The following FBN1 variants were observed in gnomAD, a reference collection of about 807,000 sequenced individuals.
FBN1 encodes fibrillin 1.
FBN1 carries 29 observed loss-of-function variants against 365.1 expected under a neutral mutation model. The observed-to-expected ratio is 0.08, with a 90% CI of 0.06 to 0.11. The LOEUF is 0.11. Ranked by LOEUF, FBN1 falls within the 10% of genes least tolerant of loss-of-function variation. The pLI, the probability that FBN1 is intolerant of heterozygous loss-of-function variation, is 1.00. For missense variants in FBN1, 2,476 were observed against 3,703.2 expected (o/e 0.67, Z 8.60); for synonymous variants, 1,210 against 1,270.5 (o/e 0.95, Z 1.01).
intron 9 of FBN1, among the ~76,000 whole-genome samples, chr15:48,524,044 A>G (rs1290223561): frequency 6.6e-6 from 1 of 152,210 alleles, no homozygotes; most frequent in East Asian, 1.9e-4. Context: ...TGTCACGAAC[A>G]TGGTTGTGTA....
chr15:48,449,935 T>C (rs1409539378), intron 45 of FBN1, among the ~76,000 whole-genome samples: 1 of 152,178 alleles, frequency 6.6e-6, no homozygotes, highest in African/African-American at 2.4e-5. Context: ...CCATTTCATG[T>C]GTCCGGGATG....
intron 8 of FBN1, among the ~76,000 whole-genome samples, 196 bp from the exon 9 acceptor site, chr15:48,526,451 TTACCAAATTCAAC>T (rs1597587689): frequency 6.6e-6 from 1 of 152,140 alleles, no homozygotes; most frequent in Non-Finnish European, 1.5e-5. Flanking sequence ...CCCAAAAGAT[TTACCAAATTCAAC>T]AGATTAGGGC....
chr15:48,511,899 G>A (rs904066529), intron 13 of FBN1, among the ~76,000 whole-genome samples: 5 of 152,086 alleles, frequency 3.3e-5, no homozygotes, highest in Non-Finnish European at 7.4e-5. Context: ...ATTTAACAGT[G>A]CAGTCTCTGG....
intron 50 of FBN1, among the ~76,000 whole-genome samples, chr15:48,438,554 T>TAC (rs1404783495): frequency 1.0e-4 from 15 of 148,356 alleles, no homozygotes; most frequent in South Asian, 4.5e-4. Context: ...TTGTAGATTT[T>TAC]ACACACACAC....
At chr15:48,481,909 A>T in intron 31 of FBN1, 129 bp from the exon 32 acceptor site, 1 of 948,492 alleles carries the variant, frequency 1.1e-6, no homozygotes, top group African/African-American at 1.6e-5. Flanking sequence ...AAACAATGTT[A>T]AATTTTAGAG....
chr15:48,473,342 T>A lies in FBN1; in HGVS notation c.4211-666A>T, dbSNP rs113934512. On this transcript the variant is annotated intron_variant, in intron 34 of 65. Coordinates refer to ENST00000316623, the MANE Select transcript of FBN1 (RefSeq NM_000138.5). ...CTTTTTATGAACAAAGTGCTCAGGA[T>A]AAATCAATGTTTTAAGTTATAGGAG... Among the ~76,000 whole-genome samples, 840 of 152,382 alleles carry A rather than the reference T, an allele frequency of 5.5e-3. 7 individuals are homozygous for A. Among genetic ancestry groups the A allele is most frequent in the African/African-American group, 0.019 (793 of 41,588 alleles).
At chr15:48,452,974 T>C (rs146351179) in intron 44 of FBN1, among the ~76,000 whole-genome samples, 1 of 152,236 alleles carries the variant, frequency 6.6e-6, no homozygotes. Context: ...AAATTAAATA[T>C]GGCCAGGTGC....
At position 48,425,415 on chromosome 15, in the gene FBN1, T is replaced by A. The variant is rs193922232; in HGVS notation, c.7407A>T (p.Ser2469=). 6.2e-7 allele frequency: 1 copy of A among 1,614,094 alleles called. No homozygotes were observed. The highest frequency in any genetic ancestry group is 2.2e-5 in the East Asian group (1 of 44,900). ...CKNTEGSYQC[S]CPKGYILQED... ...CTTGCAGAATGTAGCCTTTCGGGCATGAACACTGGTAACTCCCTTCTGTGT... is the reference window on the plus strand; with the variant it reads ...CTTGCAGAATGTAGCCTTTCGGGCAAGAACACTGGTAACTCCCTTCTGTGT... Residue 2469 remains serine (S), a synonymous_variant, in exon 60 of 66, where the codon TCA becomes TCT. Transcript: ENST00000316623.
chr15:48,606,843 G>A (rs557892038), intron 4 of FBN1, among the ~76,000 whole-genome samples: 49 of 152,320 alleles, frequency 3.2e-4, no homozygotes, highest in African/African-American at 1.1e-3. Flanking sequence ...GTATTAAGAG[G>A]TGGAACCTTT....
intron 32 of FBN1, among the ~76,000 whole-genome samples, chr15:48,476,445 T>G (rs561842090): frequency 1.3e-5 from 2 of 152,194 alleles, no homozygotes; most frequent in East Asian, 3.9e-4. Flanking sequence ...CGTAATTCCA[T>G]TCTCCCAATC....
intron 18 of FBN1, 106 bp from the exon 19 acceptor site, chr15:48,497,497 G>A: frequency 1.8e-6 from 2 of 1,128,630 alleles, no homozygotes; most frequent in South Asian, 2.7e-5. Context: ...AGGAGCTACA[G>A]GAGGAAAAAA....
chr15:48,431,520 T>C (rs1597521339), intron 55 of FBN1, among the ~76,000 whole-genome samples: 1 of 152,206 alleles, frequency 6.6e-6, no homozygotes, highest in South Asian at 2.1e-4. Context: ...TAACAATAAT[T>C]ATAACAGCAT....
At chr15:48,517,147 T>C (rs1382956428) in intron 10 of FBN1, among the ~76,000 whole-genome samples, 2 of 152,126 alleles carry the variant, frequency 1.3e-5, no homozygotes, top group Non-Finnish European at 2.9e-5. Context: ...CCAAGTTCCA[T>C]TTTGAACATA....
At chr15:48,602,145 C>T (rs1391675147) in intron 4 of FBN1, among the ~76,000 whole-genome samples, 1 of 152,086 alleles carries the variant, frequency 6.6e-6, no homozygotes, top group African/African-American at 2.4e-5. Flanking sequence ...CCCAACACAA[C>T]ACACACACAG....
At chr15:48,420,442 C>T (rs192174961) in intron 63 of FBN1, among the ~76,000 whole-genome samples, 10 of 152,234 alleles carry the variant, frequency 6.6e-5, no homozygotes, top group South Asian at 2.1e-4. Flanking sequence ...GAGGATATTG[C>T]GCTTCAAGAA....
intron 50 of FBN1, among the ~76,000 whole-genome samples, chr15:48,439,032 A>G (rs187452255): frequency 1.4e-4 from 21 of 152,294 alleles, no homozygotes; most frequent in Non-Finnish European, 2.4e-4. Context: ...TTTCAATCCC[A>G]GGAACCATAC....
intron 32 of FBN1, among the ~76,000 whole-genome samples, chr15:48,479,712 T>C (rs187394999): frequency 2.0e-5 from 3 of 152,352 alleles, no homozygotes; most frequent in East Asian, 3.9e-4. Context: ...TGTCACTTCA[T>C]GCAACTGTAG....
intron 6 of FBN1, among the ~76,000 whole-genome samples, chr15:48,589,812 T>C (rs1443821856): frequency 6.6e-6 from 1 of 151,656 alleles, no homozygotes; most frequent in Non-Finnish European, 1.5e-5. Context: ...AGAGACAGGG[T>C]TTCACAGTAG....
chr15:48,496,109 T>C lies in FBN1; in HGVS notation c.2410A>G (p.Thr804Ala). 1 of 1,613,726 alleles carries C rather than the reference T, an allele frequency of 6.2e-7. No homozygotes were observed. The highest frequency in any genetic ancestry group is 1.1e-5 in the South Asian group (1 of 91,072). ...CAAAAATATGGTTTACCTTCACATG[T>C]TTTTAGATCAGGTTTGTAGATAAAT... is the stretch of plus-strand genomic sequence containing the variant. ...KGFIYKPDLK[T>A]CEDIDECESS... The change falls in exon 20 of 66, where the codon ACA (threonine) becomes GCA (alanine). Residue 804 changes from threonine to alanine, a missense_variant. Physicochemically the swap from Thr to Ala is moderately conservative, Grantham distance 58. This residue lies in a region of FBN1 where 1,780 missense variants were observed against 2,840.8 expected (regional missense o/e 0.63). Coordinates refer to ENST00000316623, the MANE Select transcript of FBN1 (RefSeq NM_000138.5).
Sources: allele counts gnomAD v4.1 joint callset (sites outside exome capture counted in the v4.1 genomes callset), GRCh38; gene constraint gnomAD v4.1.1; regional missense constraint gnomAD v4.1.1; transcripts MANE v1.5; gene names NCBI Gene and HGNC (gene_info 2026-07-23, HGNC 2026-07-21).